Variants in SKAP1 observed in about 807,000 individuals in gnomAD.
SKAP1 encodes the protein src kinase associated phosphoprotein 1.
A neutral mutation model predicts 58.5 loss-of-function variants in SKAP1; 44 were observed. The ratio of observed to expected loss-of-function variants is 0.75; its 90% CI spans 0.59 to 0.97. The LOEUF (loss-of-function observed/expected upper bound fraction) is 0.97. Among genes scored for constraint, SKAP1 ranks in the 50% least tolerant of loss-of-function variants. SKAP1 has a pLI of 0.00. For missense variants in SKAP1, 390 were observed against 435.2 expected, an observed-to-expected ratio of 0.90 and a Z score of 0.92; for synonymous variants, 127 against 149.7, an observed-to-expected ratio of 0.85 and a Z score of 1.11.
intron 9 of SKAP1, among the ~76,000 whole-genome samples, chr17:48,177,917 TC>T (rs2064312833): frequency 6.6e-6 from 1 of 152,134 alleles, no homozygotes; most frequent in African/African-American, 2.4e-5. Flanking sequence ...CAGAAAGAGA[TC>T]CTGGATTTCC....
intron 4 of SKAP1, among the ~76,000 whole-genome samples, chr17:48,306,275 T>G (rs1443879334): frequency 6.6e-6 from 1 of 152,166 alleles, no homozygotes; most frequent in Non-Finnish European, 1.5e-5. Context: ...CTCTGGTCAT[T>G]TTTTTTCTTT....
chr17:48,388,244 G>T (rs1430254946), intron 2 of SKAP1, among the ~76,000 whole-genome samples: 1 of 152,082 alleles, frequency 6.6e-6, no homozygotes, highest in African/African-American at 2.4e-5. Flanking sequence ...GACCAGCCTG[G>T]CCAACATGGT....
chr17:48,189,362 CT>C, intron 5 of SKAP1, 60 bp downstream of exon 5: 1 of 1,413,194 alleles, frequency 7.1e-7, no homozygotes, highest in South Asian at 1.2e-5. Flanking sequence ...TGTTAGCCTT[CT>C]TTTTCCTCAC....
intron 4 of SKAP1, among the ~76,000 whole-genome samples, chr17:48,306,325 C>T (rs2066141543): frequency 6.6e-6 from 1 of 152,114 alleles, no homozygotes; most frequent in Non-Finnish European, 1.5e-5. Flanking sequence ...CCAGATTTTG[C>T]TTATTCTATG....
chr17:48,180,286 G>GA, intron 8 of SKAP1, 38 bp from the exon 9 acceptor site: 2 of 1,428,590 alleles, frequency 1.4e-6, no homozygotes, highest in Non-Finnish European at 1.9e-6. Flanking sequence ...AAGAAACAGA[G>GA]AAAAAGAAAA....
chr17:48,315,990 T>C (rs1454681212), intron 4 of SKAP1, among the ~76,000 whole-genome samples: 2 of 152,174 alleles, frequency 1.3e-5, no homozygotes, highest in Non-Finnish European at 2.9e-5. Flanking sequence ...AACCTGTATA[T>C]ACATATATGC....
intron 4 of SKAP1, among the ~76,000 whole-genome samples, chr17:48,217,037 G>A (rs1225264020): frequency 1.3e-5 from 2 of 152,060 alleles, no homozygotes; most frequent in Non-Finnish European, 2.9e-5. Flanking sequence ...TACATCTCAG[G>A]TAAGCCTCTC....
At chr17:48,222,819 A>G (rs1023832124) in intron 4 of SKAP1, among the ~76,000 whole-genome samples, 6 of 151,088 alleles carry the variant, frequency 4.0e-5, no homozygotes, top group African/African-American at 9.7e-5. Flanking sequence ...TAATGCCAGC[A>G]CTTTGGGAGG....
chr17:48,304,319 G>C (rs2066106084), intron 4 of SKAP1, among the ~76,000 whole-genome samples: 1 of 152,202 alleles, frequency 6.6e-6, no homozygotes, highest in African/African-American at 2.4e-5. Context: ...AGAGGATAAA[G>C]ACATTTTGGA....
rs150249599 is a variant in SKAP1, at chr17:48,233,780, C to G, written c.281-44280G>C. On this transcript the variant is annotated intron_variant, in intron 4 of 12. Coordinates refer to ENST00000336915, the MANE Select transcript of SKAP1 (RefSeq NM_003726.4). ...CTGAGGCAGAAGAATTGCTTGAACC[C>G]AGGAGGCAGAGGTTGCAATGGGCTG... 7.5e-3 allele frequency among the ~76,000 whole-genome samples: 1,135 copies of G among 152,100 alleles called. 5 individuals are homozygous for G. Among genetic ancestry groups the G allele is most frequent in the Admixed American group, 0.012 (176 of 15,268 alleles).
intron 4 of SKAP1, chr17:48,344,218 ATT>A (rs2066692715): frequency 2.2e-6 from 1 of 455,656 alleles, no homozygotes; most frequent in African/African-American, 2.1e-5. Context: ...TTATTTATAG[ATT>A]TTGTTTTCTA....
At chr17:48,262,863 G>T (rs1280880215) in intron 4 of SKAP1, among the ~76,000 whole-genome samples, 6 of 152,184 alleles carry the variant, frequency 3.9e-5, no homozygotes, top group Admixed American at 3.9e-4. Context: ...AAAAGAAGTA[G>T]AAGAGATGAA....
intron 10 of SKAP1, among the ~76,000 whole-genome samples, chr17:48,167,324 A>G (rs374301622): frequency 6.6e-6 from 1 of 152,178 alleles, no homozygotes; most frequent in Non-Finnish European, 1.5e-5. Context: ...TCTTAGTGGT[A>G]TAAGTATGAT....
intron 4 of SKAP1, among the ~76,000 whole-genome samples, chr17:48,242,206 C>A (rs2065250252): frequency 2.0e-5 from 3 of 152,184 alleles, no homozygotes; most frequent in Non-Finnish European, 2.9e-5. Context: ...TCCACCTCAC[C>A]CCTCGGGCTT....
intron 2 of SKAP1, among the ~76,000 whole-genome samples, chr17:48,375,802 G>A (rs2067143823): frequency 6.6e-6 from 1 of 152,166 alleles, no homozygotes. Context: ...TTCTTTGTTT[G>A]TTTGTTTGTC....
chr17:48,345,455 T>C (rs555294552), intron 4 of SKAP1, among the ~76,000 whole-genome samples: 2 of 152,268 alleles, frequency 1.3e-5, no homozygotes, highest in South Asian at 4.1e-4. Context: ...ACAGGTGAAA[T>C]GGTATCTTAT....
At chr17:48,322,695 A>C (rs753839496) in intron 4 of SKAP1, among the ~76,000 whole-genome samples, 8 of 152,186 alleles carry the variant, frequency 5.3e-5, no homozygotes, top group Non-Finnish European at 8.8e-5. Flanking sequence ...TTCACTTTAC[A>C]CCTTGATGTC....
chr17:48,213,186 A>G (rs2064895305), intron 4 of SKAP1, among the ~76,000 whole-genome samples: 1 of 151,982 alleles, frequency 6.6e-6, no homozygotes. Context: ...TACTAAATAT[A>G]CAAAAATTAG....
At chr17:48,159,016 A>C (rs1187833472) in intron 11 of SKAP1, among the ~76,000 whole-genome samples, 2 of 150,972 alleles carry the variant, frequency 1.3e-5, no homozygotes, top group Non-Finnish European at 2.9e-5. Flanking sequence ...CTACGACTAA[A>C]GCTGCCATCC....
Sources: allele counts gnomAD v4.1 joint callset (sites outside exome capture counted in the v4.1 genomes callset), GRCh38; gene constraint gnomAD v4.1.1; transcripts MANE v1.5; gene names NCBI Gene and HGNC (gene_info 2026-07-23, HGNC 2026-07-21).